ELMO1: variants seen among roughly 807,000 people sequenced by gnomAD.
ELMO1 encodes engulfment and cell motility protein 1.
In ELMO1, 26 loss-of-function variants were observed where a neutral mutation model predicts 98.9. That is an observed-to-expected ratio of 0.26 (90% CI 0.19 to 0.36). The LOEUF (loss-of-function observed/expected upper bound fraction) is 0.36. Among genes scored for constraint, ELMO1 ranks in the 10% least tolerant of loss-of-function variants. The probability of loss-of-function intolerance (pLI) is 1.00; values close to 1 mark genes in which losing one functional copy is unlikely to be tolerated. For missense variants in ELMO1, 627 were observed against 935.2 expected (o/e 0.67, Z 4.30); for synonymous variants, 346 against 346.0 (o/e 1.00, Z 0.00).
intron 13 of ELMO1, among the ~76,000 whole-genome samples, chr7:37,176,857 C>A (rs1487071235): frequency 6.6e-6 from 1 of 152,160 alleles, no homozygotes; most frequent in African/African-American, 2.4e-5. Flanking sequence ...AAGGAAAACA[C>A]AGTTATAGCT....
chr7:36,954,393 G>T (rs575457779), intron 16 of ELMO1, among the ~76,000 whole-genome samples: 1 of 152,294 alleles, frequency 6.6e-6, no homozygotes, highest in African/African-American at 2.4e-5. Context: ...GGACAGGAGG[G>T]GAGGTTTTGG....
chr7:37,333,163 A>G (rs1487794320), intron 2 of ELMO1, among the ~76,000 whole-genome samples: 2 of 152,194 alleles, frequency 1.3e-5, no homozygotes, highest in Non-Finnish European at 2.9e-5. Context: ...TTCTGGACAC[A>G]CTGCACATTG....
intron 16 of ELMO1, among the ~76,000 whole-genome samples, chr7:36,995,953 A>C (rs1008330858): frequency 6.6e-6 from 1 of 152,160 alleles, no homozygotes; most frequent in Admixed American, 6.5e-5. Flanking sequence ...TTGACCTCAC[A>C]AACAGCTGGA....
At chr7:37,392,629 T>C (rs562841729) in intron 1 of ELMO1, among the ~76,000 whole-genome samples, 16 of 152,314 alleles carry the variant, frequency 1.1e-4, no homozygotes, top group African/African-American at 3.6e-4. Flanking sequence ...CCCTATAGAA[T>C]GGAGAGATGG....
intron 1 of ELMO1, among the ~76,000 whole-genome samples, chr7:37,427,952 G>A (rs1445458835): frequency 1.3e-5 from 2 of 152,042 alleles, no homozygotes; most frequent in Non-Finnish European, 2.9e-5. Flanking sequence ...CTGATCAATA[G>A]GGGAGAAAAA....
At chr7:37,227,296 C>T (rs1474822177) in intron 8 of ELMO1, among the ~76,000 whole-genome samples, 1 of 152,160 alleles carries the variant, frequency 6.6e-6, no homozygotes, top group Non-Finnish European at 1.5e-5. Flanking sequence ...AAATTTACCC[C>T]CTGAATTAGT....
At chr7:37,003,040 A>G (rs1792793031) in intron 16 of ELMO1, among the ~76,000 whole-genome samples, 1 of 152,200 alleles carries the variant, frequency 6.6e-6, no homozygotes, top group Non-Finnish European at 1.5e-5. Context: ...TACCTGCCTA[A>G]ATGACTTCCT....
intron 1 of ELMO1, among the ~76,000 whole-genome samples, chr7:37,360,014 C>A (rs933932126): frequency 6.6e-6 from 1 of 152,026 alleles, no homozygotes; most frequent in Non-Finnish European, 1.5e-5. Context: ...GTCAGCTCTG[C>A]GGAAAAATAC....
chr7:37,327,582 A>T (rs1049793409), intron 2 of ELMO1, among the ~76,000 whole-genome samples: 1 of 152,224 alleles, frequency 6.6e-6, no homozygotes, highest in African/African-American at 2.4e-5. Flanking sequence ...AAAGTATGAA[A>T]TTAGTTCATG....
chr7:37,126,214 T>A (rs780971151), intron 14 of ELMO1, among the ~76,000 whole-genome samples: 2 of 150,810 alleles, frequency 1.3e-5, no homozygotes, highest in Non-Finnish European at 3.0e-5. Flanking sequence ...AGTTAATGGG[T>A]GCGGCACACC....
At chr7:37,433,798 G>T (rs1427104472) in intron 1 of ELMO1, among the ~76,000 whole-genome samples, 3 of 152,058 alleles carry the variant, frequency 2.0e-5, no homozygotes, top group African/African-American at 7.2e-5. Flanking sequence ...TGGCAGTCAT[G>T]AACTAGTTTC....
At chr7:37,119,537 G>A (rs978643141) in intron 14 of ELMO1, among the ~76,000 whole-genome samples, 7 of 152,196 alleles carry the variant, frequency 4.6e-5, no homozygotes, top group African/African-American at 1.4e-4. Context: ...ATTGCATCAT[G>A]AGGAGGAAAA....
chr7:36,974,534 A>T (rs1426899698), intron 16 of ELMO1, among the ~76,000 whole-genome samples: 1 of 152,040 alleles, frequency 6.6e-6, no homozygotes, highest in Admixed American at 6.5e-5. Flanking sequence ...GTATCTAGCT[A>T]ATCTGGTGGG....
At chr7:37,150,076 TTTC>T (rs1198375734) in intron 13 of ELMO1, among the ~76,000 whole-genome samples, 1 of 152,128 alleles carries the variant, frequency 6.6e-6, no homozygotes, top group Non-Finnish European at 1.5e-5. Context: ...AGGCACAAAA[TTTC>T]TTCTCCTCTT....
Position 37,017,469 on chromosome 7 carries a change from C to T in ELMO1, c.1301-4034G>A, listed in dbSNP as rs149424421. Among the ~76,000 whole-genome samples, 863 of 152,306 alleles carry T rather than the reference C, an allele frequency of 5.7e-3. 2 individuals are homozygous for T. The highest frequency in any genetic ancestry group is 0.01 in the Middle Eastern group (3 of 294). ...TTGCGCCTCCCTTGTGATTAAGAGT[C>T]GTCATATGACCCAATCCCAAATAAT... is the stretch of plus-strand genomic sequence containing the variant. On this transcript the variant is annotated intron_variant, in intron 15 of 21. Coordinates refer to ENST00000310758, the MANE Select transcript of ELMO1 (RefSeq NM_014800.11).
intron 13 of ELMO1, among the ~76,000 whole-genome samples, chr7:37,134,327 G>A (rs1787117604): frequency 1.3e-5 from 2 of 152,138 alleles, no homozygotes; most frequent in Non-Finnish European, 1.5e-5. Flanking sequence ...AGTCCATTTT[G>A]GGAGGCTGAG....
chr7:36,965,391 G>A (rs917173110), intron 16 of ELMO1, among the ~76,000 whole-genome samples: 2 of 152,164 alleles, frequency 1.3e-5, no homozygotes, highest in Non-Finnish European at 2.9e-5. Flanking sequence ...TTTTCCCCTA[G>A]GTTATACAGA....
chr7:37,188,204 G>T (rs1584782202), intron 13 of ELMO1, among the ~76,000 whole-genome samples: 1 of 151,910 alleles, frequency 6.6e-6, no homozygotes, highest in East Asian at 1.9e-4. Context: ...ATTAGCTGAG[G>T]TTCAAAAAAT....
chr7:37,086,757 A>G (rs1783806494), intron 15 of ELMO1, among the ~76,000 whole-genome samples: 2 of 127,958 alleles, frequency 1.6e-5, no homozygotes, highest in South Asian at 4.7e-4. Context: ...AAAAAAAAAA[A>G]AAAAAAAAGA....
Sources: gnomAD v4.1 joint callset for allele counts (sites outside exome capture counted in the v4.1 genomes callset) on GRCh38, gnomAD v4.1.1 for gene constraint, MANE v1.5 for transcripts, NCBI Gene and HGNC (gene_info 2026-07-23, HGNC 2026-07-21) for gene names.